The following KSR1 variants were observed in gnomAD, a reference collection of about 807,000 sequenced individuals.
KSR1 encodes kinase suppressor of ras 1, also known as kinase suppressor of ras.
A neutral mutation model predicts 92.9 loss-of-function variants in KSR1; 35 were observed. That is an observed-to-expected ratio of 0.38 (90% CI 0.29 to 0.50). The LOEUF (loss-of-function observed/expected upper bound fraction) is 0.50. Among genes scored for constraint, KSR1 ranks in the 20% least tolerant of loss-of-function variants. The pLI, the probability that KSR1 is intolerant of heterozygous loss-of-function variation, is 0.94. For missense variants in KSR1, 972 were observed against 1,158.5 expected (o/e 0.84, Z 2.34); for synonymous variants, 467 against 472.6 (o/e 0.99, Z 0.15).
chr17:27,483,887 A>G (rs898756569), intron 1 of KSR1: 5 of 152,222 alleles, frequency 3.3e-5, no homozygotes, highest in Non-Finnish European at 7.3e-5. Context: ...CATTGTAATA[A>G]TGCGTCTACA....
intron 1 of KSR1, among the ~76,000 whole-genome samples, chr17:27,508,605 G>A (rs1051072220): frequency 1.1e-4 from 17 of 152,098 alleles, no homozygotes; most frequent in African/African-American, 4.1e-4. Flanking sequence ...AAAGGGGACT[G>A]GACACTTGCT....
intron 2 of KSR1, among the ~76,000 whole-genome samples, chr17:27,570,167 G>T (rs1056243369): frequency 2.0e-5 from 3 of 152,238 alleles, no homozygotes; most frequent in Non-Finnish European, 4.4e-5. Context: ...GGATAGAGCG[G>T]TGTGGGGTCT....
At chr17:27,463,238 G>C (rs1179162271) in intron 1 of KSR1, among the ~76,000 whole-genome samples, 5 of 152,134 alleles carry the variant, frequency 3.3e-5, no homozygotes, top group African/African-American at 1.2e-4. Flanking sequence ...GCCTGGGTGC[G>C]GTGGCTCATG....
chr17:27,613,114 GCTC>G (rs1567891084), intron 18 of KSR1: 1 of 152,220 alleles, frequency 6.6e-6, no homozygotes, highest in South Asian at 2.1e-4. Context: ...CGAACAGCAG[GCTC>G]CTCTTTGGCC....
chr17:27,466,565 C>T (rs1597824550), intron 1 of KSR1, among the ~76,000 whole-genome samples: 1 of 152,296 alleles, frequency 6.6e-6, no homozygotes, highest in South Asian at 2.1e-4. Flanking sequence ...TCATGATCCC[C>T]CTGATGGGCA....
chr17:27,566,295 T>C, intron 2 of KSR1: 1 of 392,624 alleles, frequency 2.5e-6, no homozygotes, highest in East Asian at 3.6e-5. Context: ...CCCCGGGAAG[T>C]ATGTGCTGAC....
At chr17:27,488,720 C>T (rs1359189786) in intron 1 of KSR1, among the ~76,000 whole-genome samples, 6 of 152,182 alleles carry the variant, frequency 3.9e-5, no homozygotes, top group Non-Finnish European at 7.3e-5. Flanking sequence ...AATCCCAGCA[C>T]TTTGGGAGGC....
chr17:27,488,896 G>A (rs1439269990), intron 1 of KSR1, among the ~76,000 whole-genome samples: 3 of 152,322 alleles, frequency 2.0e-5, no homozygotes, highest in Non-Finnish European at 2.9e-5. Context: ...CCCGGGAGGC[G>A]GAGGTTGCAG....
At position 27,609,289 on chromosome 17, in the gene KSR1, T is replaced by G; in HGVS notation, c.2185T>G (p.Phe729Val). 1 of 1,613,966 alleles carries G rather than the reference T, an allele frequency of 6.2e-7. No individual in the cohort carries two copies. Among genetic ancestry groups the G allele is most frequent in the Non-Finnish European group, 8.5e-7 (1 of 1,179,874 alleles). Residue 729 changes from phenylalanine to valine, a missense_variant, in exon 16 of 21, where the codon TTC becomes GTC. Around this residue, in one of 5 missense-constraint regions of KSR1, gnomAD observed 260 missense variants for 375.2 expected, o/e 0.69. Coordinates refer to ENST00000644974, the MANE Select transcript of KSR1 (RefSeq NM_001394583.1). Reference sequence around the variant, plus strand: ...CAACGGCAAGGTGGTCATCACAGACTTCGGGCTGTTTGGGATCTCAGGCGT... The same window carrying G: ...CAACGGCAAGGTGGTCATCACAGACGTCGGGCTGTTTGGGATCTCAGGCGT... ...YDNGKVVITD[F>V]GLFGISGVVR...
intron 3 of KSR1, among the ~76,000 whole-genome samples, chr17:27,581,599 C>T (rs1453729091): frequency 2.6e-5 from 4 of 152,114 alleles, no homozygotes; most frequent in African/African-American, 9.7e-5. Context: ...GGTGCCACCT[C>T]CTCTGGGAAA....
intron 20 of KSR1, chr17:27,622,066 T>C: frequency 1.2e-6 from 1 of 836,520 alleles, no homozygotes; most frequent in Non-Finnish European, 2.0e-6. Flanking sequence ...GCTCCAGTCG[T>C]CTCTCTCGAG....
intron 1 of KSR1, among the ~76,000 whole-genome samples, chr17:27,475,055 T>C (rs1427429485): frequency 6.6e-6 from 1 of 152,158 alleles, no homozygotes; most frequent in Non-Finnish European, 1.5e-5. Context: ...GGAGGTGATA[T>C]TTGAGTAAAG....
chr17:27,585,050 C>A lies in KSR1; in HGVS notation c.981-607C>A, dbSNP rs192892157. Among the ~76,000 whole-genome samples the A allele has an allele frequency of 3.1e-3, 465 of 152,364 alleles. 1 individual carries two copies. The highest frequency in any genetic ancestry group is 5.0e-3 in the Non-Finnish European group (341 of 68,040). ...CTCCCGGATTCAAGCGATTCTCCTG[C>A]CTCAGCCTCCCGAGTAGCTGGGATT... On this transcript the variant is annotated intron_variant, in intron 4 of 20. Transcript: ENST00000644974.
At chr17:27,567,417 C>T (rs542986914) in intron 2 of KSR1, among the ~76,000 whole-genome samples, 1 of 152,276 alleles carries the variant, frequency 6.6e-6, no homozygotes, top group African/African-American at 2.4e-5. Flanking sequence ...ATAGTGAAAC[C>T]TCGTCTCTTT....
intron 1 of KSR1, among the ~76,000 whole-genome samples, chr17:27,508,482 C>G (rs1050648784): frequency 6.6e-6 from 1 of 152,118 alleles, no homozygotes; most frequent in African/African-American, 2.4e-5. Context: ...TTGTAAGTGG[C>G]AGGAGCTTGT....
intron 1 of KSR1, among the ~76,000 whole-genome samples, chr17:27,546,338 G>A (rs2071172379): frequency 6.6e-6 from 1 of 152,136 alleles, no homozygotes; most frequent in South Asian, 2.1e-4. Context: ...TATGAGCTAG[G>A]TGTCATCGTT....
At chr17:27,489,673 G>A (rs1048843745) in intron 1 of KSR1, among the ~76,000 whole-genome samples, 4 of 152,284 alleles carry the variant, frequency 2.6e-5, no homozygotes, top group Admixed American at 6.5e-5. Flanking sequence ...TGGAGGTTGG[G>A]GCCCTAGCCT....
intron 1 of KSR1, among the ~76,000 whole-genome samples, chr17:27,495,154 T>C (rs868398395): frequency 1.3e-5 from 2 of 152,180 alleles, no homozygotes; most frequent in Non-Finnish European, 2.9e-5. Flanking sequence ...AGACTTGATT[T>C]TAGCAGGACA....
intron 2 of KSR1, among the ~76,000 whole-genome samples, chr17:27,553,794 A>G (rs1182094963): frequency 1.3e-5 from 2 of 152,226 alleles, no homozygotes; most frequent in Admixed American, 6.5e-5. Context: ...TAGTAAACCC[A>G]GCTTCAGCTC....
Sources: gnomAD v4.1 joint callset for allele counts (sites outside exome capture counted in the v4.1 genomes callset) on GRCh38, gnomAD v4.1.1 for gene constraint, gnomAD v4.1.1 regional missense constraint, MANE v1.5 for transcripts, NCBI Gene and HGNC (gene_info 2026-07-23, HGNC 2026-07-21) for gene names.